OXA1L: variants seen among roughly 807,000 people sequenced by gnomAD.
OXA1L encodes the protein OXA1L mitochondrial inner membrane insertase.
Under a neutral mutation model 52.2 loss-of-function variants are expected in OXA1L, and 42 were observed. The observed-to-expected ratio is 0.80, with a 90% CI of 0.63 to 1.04. OXA1L has a LOEUF of 1.04. Among genes scored for constraint, OXA1L ranks in the 50% least tolerant of loss-of-function variants. OXA1L has a pLI of 0.00. For missense variants in OXA1L, 572 were observed against 555.0 expected (o/e 1.03, Z -0.31); for synonymous variants, 239 against 201.9 (o/e 1.18, Z -1.56).
chr14:22,770,996 C>A, intron 7 of OXA1L, 22 bp from the exon 8 acceptor site: 1 of 1,614,090 alleles, frequency 6.2e-7, no homozygotes, highest in Non-Finnish European at 8.5e-7. Context: ...CTTCTGAGTC[C>A]CTTCTCTGTG....
At chr14:22,769,300 C>T (rs1191861769) in intron 3 of OXA1L, among the ~76,000 whole-genome samples, 1 of 152,102 alleles carries the variant, frequency 6.6e-6, no homozygotes, top group Non-Finnish European at 1.5e-5. Context: ...GAGAACATGG[C>T]GATGTTCGTC....
At chr14:22,770,081 C>CA in intron 4 of OXA1L, 112 bp from the exon 5 acceptor site, 1 of 1,345,984 alleles carries the variant, frequency 7.4e-7, no homozygotes, top group East Asian at 2.3e-5. Context: ...CTAATGCTCC[C>CA]AAGGAGTGGC....
At chr14:22,769,142 T>G (rs560749712) in intron 3 of OXA1L, among the ~76,000 whole-genome samples, 3 of 152,032 alleles carry the variant, frequency 2.0e-5, no homozygotes, top group African/African-American at 7.3e-5. Context: ...AGTCACCCTG[T>G]TGTGCAATCA....
Position 22,770,874 on chromosome 14 carries a change from C to G in OXA1L, c.904C>G (p.Leu302Val), listed in dbSNP as rs545293392. The change falls in exon 7 of 10, where the codon CTG (leucine) becomes GTG (valine). Residue 302 changes from leucine (L) to valine (V), a missense_variant. Physicochemically the swap from Leu to Val is conservative, Grantham distance 32 (BLOSUM62 1). Transcript: ENST00000612549. Reference sequence around the variant, plus strand: ...GAGAAATGTCATCAGAATGATGCCCCTGATAACCTTGCCCATAACCATGCA... The same window carrying G: ...GAGAAATGTCATCAGAATGATGCCCGTGATAACCTTGCCCATAACCATGCA... The part of the protein sequence containing the change: ...WMRNVIRMMP[L>V]ITLPITMHFP... 12 of 1,614,180 alleles carry G rather than the reference C, an allele frequency of 7.4e-6. No individual in the cohort carries two copies. Among genetic ancestry groups the G allele is most frequent in the African/African-American group, 1.3e-5 (1 of 75,052 alleles).
Position 22,772,312 on chromosome 14 carries a change from G to C in OXA1L, c.*754G>C, listed in dbSNP as rs28759095. ...ATCCTGGCCAACATGGTGAAACCCC[G>C]TCTCTACTAAAAAAAAAAAAAAAAA... On this transcript the variant is annotated 3_prime_UTR_variant, in exon 10 of 10. Coordinates refer to ENST00000612549, the MANE Select transcript of OXA1L (RefSeq NM_005015.5). 8.0e-6 allele frequency: 1 copy of C among 125,230 alleles called. No individual in the cohort carries two copies. Among genetic ancestry groups the C allele is most frequent in the Admixed American group, 9.0e-5 (1 of 11,146 alleles). The allele number at this position is 125,230 out of a possible 1,614,324, so 7.8% of individuals were successfully genotyped here. A position where few individuals can be genotyped will look rare whatever the true frequency, so the allele number is the denominator to read the frequency against.
rs2038468050 is a variant in OXA1L at position 22,771,720 on chromosome 14, A to G, written c.*162A>G. The G allele has an allele frequency of 1.4e-6, 1 of 709,650 alleles. No individual in the cohort carries two copies. Among genetic ancestry groups the G allele is most frequent in the African/African-American group, 1.7e-5 (1 of 57,278 alleles). 44.0% of individuals were successfully genotyped at this position (709,650 alleles called of 1,614,324 possible). On this transcript the variant is annotated 3_prime_UTR_variant, in exon 10 of 10. Coordinates refer to ENST00000612549, the MANE Select transcript of OXA1L (RefSeq NM_005015.5). The stretch of plus-strand genomic sequence containing the variant: ...ATGAAACACTCTTGTACTTATGTTT[A>G]TAAGAGAGCACTGGGTAGCCAAGTG...
At chr14:22,769,200 C>T (rs2038436313) in intron 3 of OXA1L, among the ~76,000 whole-genome samples, 1 of 152,186 alleles carries the variant, frequency 6.6e-6, no homozygotes, top group African/African-American at 2.4e-5. Flanking sequence ...CTATTCCCAA[C>T]CCTGACTACC....
rs775473466 is a variant in OXA1L, at chr14:22,771,057, C to G, written c.979C>G (p.Leu327Val). The G allele has an allele frequency of 1.2e-6, 2 of 1,614,218 alleles. No individual in the cohort carries two copies. The highest frequency in any genetic ancestry group is 3.3e-5 in the Admixed American group (2 of 60,022). ...MYWLSSNLFS[L>V]VQVSCLRIPA... ...CTGGCTCTCCTCCAATTTGTTTTCC[C>G]TGGTCCAAGTATCCTGTCTCCGGAT... Residue 327 changes from leucine (L) to valine (V), a missense_variant, in exon 8 of 10, where the codon CTG (leucine) becomes GTG (valine). By Grantham distance (32) the Leu-to-Val change is conservative. Transcript: ENST00000612549.
chr14:22,769,322 G>T (rs531054352), intron 3 of OXA1L, among the ~76,000 whole-genome samples: 1 of 152,262 alleles, frequency 6.6e-6, no homozygotes, highest in East Asian at 1.9e-4. Context: ...TTCTGTGCTT[G>T]CCTTATTTCA....
rs771633400 is a variant in OXA1L at position 22,770,239 on chromosome 14, T to C, written c.630T>C (p.Gly210=). 9 of 1,612,244 alleles carry C rather than the reference T, an allele frequency of 5.6e-6. No homozygotes were observed. The Admixed American group carries it at 1.5e-4, about 27-fold the overall frequency. The change falls in exon 5 of 10, where the codon GGT becomes GGC. Residue 210 remains glycine (G), a synonymous_variant. Transcript: ENST00000612549. ...TGGCACTTTACCAGAAAAAACATGG[T>C]ATTAAACTCTATAAACCTCTCATTC... ...SEMALYQKKH[G]IKLYKPLILP...
At position 22,773,027 on chromosome 14, in the gene OXA1L, A is replaced by T. The variant is rs566921571; in HGVS notation, c.*1469A>T. The T allele has an allele frequency of 1.5e-5, 4 of 265,696 alleles. No homozygotes were observed. Among genetic ancestry groups the T allele is most frequent in the Non-Finnish European group, 2.9e-5 (4 of 136,814 alleles). The allele number at this position is 265,696 out of a possible 1,614,324, so 16.5% of individuals were successfully genotyped here. A position where few individuals can be genotyped will look rare whatever the true frequency, so the allele number is the denominator to read the frequency against. On this transcript the variant is annotated 3_prime_UTR_variant, in exon 10 of 10. Transcript: ENST00000612549. ...CATGTCATTTTTATGTAACAATCCA[A>T]CATTTGACTAGAGCAGTTTAAGTGT... is the stretch of plus-strand genomic sequence containing the variant.
chr14:22,766,709 T>G lies in OXA1L; in HGVS notation c.8T>G (p.Met3Arg), dbSNP rs1432145719. 18 of 1,614,162 alleles carry G rather than the reference T, an allele frequency of 1.1e-5. No homozygotes were observed. In the East Asian group the frequency reaches 3.6e-4, roughly 32 times the overall value. Residue 3 changes from methionine (M) to arginine (R), a missense_variant, in exon 1 of 10, where the codon ATG becomes AGG. By Grantham distance (91) the Met-to-Arg change is moderately conservative. Coordinates refer to ENST00000612549, the MANE Select transcript of OXA1L (RefSeq NM_005015.5). Reference protein sequence around the residue: MAMGLMCGRRELL... With the variant: MARGLMCGRRELL... ...AGTCCTCTTCCGGGCAAAATGGCGA[T>G]GGGACTAATGTGCGGACGCCGGGAG...
chr14:22,769,095 GTTCT>G (rs1438834289), intron 3 of OXA1L, among the ~76,000 whole-genome samples: 1 of 151,702 alleles, frequency 6.6e-6, no homozygotes, highest in Non-Finnish European at 1.5e-5. Context: ...TAATTTTTAC[GTTCT>G]TTATTTAAAA....
In OXA1L at chr14:22,767,532, C is replaced by T. The variant is rs1339047879; in HGVS notation, c.225+123C>T. On this transcript the variant is annotated intron_variant, in intron 2 of 9. Transcript: ENST00000612549. ...TCTTGTCCACGCTCCACACAGCTCT[C>T]CAAAATGATAGCATCTCTGCTTAGG... is the stretch of plus-strand genomic sequence containing the variant. 3.9e-6 allele frequency: 3 copies of T among 766,190 alleles called. No individual in the cohort carries two copies. The South Asian group carries it at 5.7e-5, about 15-fold the overall frequency. 47.5% of individuals were successfully genotyped at this position (766,190 alleles called of 1,614,324 possible). A position where few individuals can be genotyped will look rare whatever the true frequency, so the allele number is the denominator to read the frequency against.
rs1023565959 is a variant in OXA1L at position 22,769,662 on chromosome 14, C to A, written c.440-129C>A. ...TCATTCCCCTGACCTTATTTCTGGG[C>A]CTCTTAGGCATGAGTCATAGAATGG... On this transcript the variant is annotated intron_variant, in intron 3 of 9. Transcript: ENST00000612549. The A allele has an allele frequency of 8.7e-6, 8 of 918,438 alleles. No homozygotes were observed. The Admixed American group carries it at 1.2e-4, about 13-fold the overall frequency. The allele number at this position is 918,438 out of a possible 1,614,324, so 56.9% of individuals were successfully genotyped here.
In OXA1L at chr14:22,768,132, G is replaced by A; in HGVS notation, c.400G>A (p.Val134Ile). Residue 134 changes from valine (V) to isoleucine (I), a missense_variant, in exon 3 of 10, where the codon GTT becomes ATT. Physicochemically the swap from Val to Ile is conservative, Grantham distance 29. Coordinates refer to ENST00000612549, the MANE Select transcript of OXA1L (RefSeq NM_005015.5). ...CCAGAATTTACTGGAATTTATGCAT[G>A]TTGATCTGGGCCTACCTTGGTGGGG... ...LIQNLLEFMH[V>I]DLGLPWWGAI... 6.2e-7 allele frequency: 1 copy of A among 1,614,182 alleles called. No homozygotes were observed. Among genetic ancestry groups the A allele is most frequent in the Non-Finnish European group, 8.5e-7 (1 of 1,180,020 alleles).
In OXA1L at chr14:22,771,145, C is replaced by G. The variant is rs1366505137; in HGVS notation, c.1067C>G (p.Pro356Arg). The change falls in exon 8 of 10, where the codon CCT (proline) becomes CGT (arginine). Residue 356 changes from proline (P) to arginine (R), a missense_variant. By Grantham distance (103) the Pro-to-Arg change is moderately radical. This residue lies in a region of OXA1L where 244 missense variants were observed against 240.2 expected (regional missense o/e 1.02). Coordinates refer to ENST00000612549, the MANE Select transcript of OXA1L (RefSeq NM_005015.5). ...QRVVHDLDKL[P>R]PREGFLESFK... ...GTTGTACATGACCTGGACAAATTAC[C>G]TCCACGGGAAGGCTTCCTAGAGAGC... 1 of 1,614,084 alleles carries G rather than the reference C, an allele frequency of 6.2e-7. No individual in the cohort carries two copies. Among genetic ancestry groups the G allele is most frequent in the Non-Finnish European group, 8.5e-7 (1 of 1,180,034 alleles).
rs1289391033 is a variant in OXA1L, at chr14:22,771,914, A to C, written c.*356A>C. The C allele has an allele frequency of 9.4e-6, 2 of 211,800 alleles. No individual in the cohort carries two copies. Among genetic ancestry groups the C allele is most frequent in the Non-Finnish European group, 1.9e-5 (2 of 104,624 alleles). The allele number at this position is 211,800 out of a possible 1,614,324, so 13.1% of individuals were successfully genotyped here. On this transcript the variant is annotated 3_prime_UTR_variant, in exon 10 of 10. Coordinates refer to ENST00000612549, the MANE Select transcript of OXA1L (RefSeq NM_005015.5). ...CAGGAGTTTGAGACCAGCCTGGCCA[A>C]CATGGGGAAACGCCATCTCTGCTGT...
At chr14:22,766,946 C>A (rs1401015107) in intron 1 of OXA1L, 182 bp downstream of exon 1, 7 of 1,515,062 alleles carry the variant, frequency 4.6e-6, no homozygotes, top group Admixed American at 2.1e-5. Context: ...CCCAGCAGCC[C>A]GGTGTCAGCT....
Sources: gnomAD v4.1 joint callset for allele counts (sites outside exome capture counted in the v4.1 genomes callset) on GRCh38, gnomAD v4.1.1 for gene constraint, gnomAD v4.1.1 regional missense constraint, MANE v1.5 for transcripts, NCBI Gene and HGNC (gene_info 2026-07-23, HGNC 2026-07-21) for gene names.